The following IQGAP1 variants were observed in gnomAD, a reference collection of about 807,000 sequenced individuals.
The protein encoded by IQGAP1 is ras GTPase-activating-like protein IQGAP1.
IQGAP1 carries 66 observed loss-of-function variants against 215.6 expected under a neutral mutation model. That is an observed-to-expected ratio of 0.31 (90% confidence interval 0.25 to 0.38). The LOEUF is 0.38. Among genes scored for constraint, IQGAP1 ranks in the 10% least tolerant of loss-of-function variants. IQGAP1 has a pLI of 1.00. For synonymous variants in IQGAP1, 772 were observed against 728.7 expected, an observed-to-expected ratio of 1.06 and a Z score of -0.96; for missense variants, 1,712 against 1,997.1, an observed-to-expected ratio of 0.86 and a Z score of 2.72.
chr15:90,454,524 G>A lies in IQGAP1; in HGVS notation c.1584G>A (p.Val528=). 1 of 1,597,526 alleles carries A rather than the reference G, an allele frequency of 6.3e-7. No individual in the cohort carries two copies. Among genetic ancestry groups the A allele is most frequent in the Non-Finnish European group, 8.5e-7 (1 of 1,172,706 alleles). The part of the protein sequence containing the change: ...WNDIQACVDH[V]NLVVQEEHER... The stretch of plus-strand genomic sequence containing the variant: ...ATATCCAAGCTTGCGTGGACCATGT[G>A]AACCTGGTGGTGCAAGAGGAACATG... The change falls in exon 14 of 38, where the codon GTG becomes GTA. Residue 528 remains valine (V), a synonymous_variant. Transcript: ENST00000268182.
intron 14 of IQGAP1, among the ~76,000 whole-genome samples, 172 bp from the exon 15 acceptor site, chr15:90,455,980 A>G (rs1458378820): frequency 6.6e-6 from 1 of 152,232 alleles, no homozygotes; most frequent in Non-Finnish European, 1.5e-5. Flanking sequence ...AGTTTAGTTG[A>G]AATAAATACT....
chr15:90,459,701 T>TTTTTG (rs995508105), intron 15 of IQGAP1, among the ~76,000 whole-genome samples: 13 of 152,248 alleles, frequency 8.5e-5, no homozygotes, highest in South Asian at 6.2e-4. Context: ...TGGTTTGGGT[T>TTTTTG]TTTTGTTTTG....
intron 10 of IQGAP1, among the ~76,000 whole-genome samples, 194 bp downstream of exon 10, chr15:90,448,930 T>C (rs1370665826): frequency 6.6e-6 from 1 of 152,224 alleles, no homozygotes; most frequent in Non-Finnish European, 1.5e-5. Flanking sequence ...TTTAGAGCTA[T>C]GAATCCTCTT....
intron 5 of IQGAP1, 94 bp from the exon 6 acceptor site, chr15:90,439,238 C>T: frequency 9.7e-6 from 8 of 823,568 alleles, no homozygotes; most frequent in Non-Finnish European, 1.6e-5. Flanking sequence ...GTTCAGAATA[C>T]TTCTATTTTA....
chr15:90,454,878 C>T (rs550837409), intron 14 of IQGAP1, among the ~76,000 whole-genome samples: 23 of 152,330 alleles, frequency 1.5e-4, no homozygotes, highest in African/African-American at 5.3e-4. Context: ...CCACAAGACT[C>T]CTCTCACTTC....
intron 5 of IQGAP1, among the ~76,000 whole-genome samples, chr15:90,436,764 G>A (rs1965376220): frequency 6.6e-6 from 1 of 152,228 alleles, no homozygotes; most frequent in Admixed American, 6.5e-5. Flanking sequence ...TTTTGATTGT[G>A]GGTAAGAGGA....
At chr15:90,496,651 A>C (rs1316860205) in intron 36 of IQGAP1, 1 of 152,104 alleles carries the variant, frequency 6.6e-6, no homozygotes, top group African/African-American at 2.4e-5. Flanking sequence ...GGCCCCCCAA[A>C]ATTTCCTGGC....
intron 2 of IQGAP1, among the ~76,000 whole-genome samples, chr15:90,413,847 A>G (rs974856830): frequency 4.6e-5 from 7 of 152,188 alleles, no homozygotes; most frequent in African/African-American, 1.4e-4. Context: ...ATGGAAGCTC[A>G]GAGAAGTTAG....
chr15:90,402,986 T>C (rs567669344), intron 2 of IQGAP1, among the ~76,000 whole-genome samples: 3 of 152,212 alleles, frequency 2.0e-5, no homozygotes, highest in African/African-American at 7.2e-5. Flanking sequence ...AAATGTTTTT[T>C]TGGGCTGGGC....
At chr15:90,418,380 A>C (rs1158599505) in intron 2 of IQGAP1, among the ~76,000 whole-genome samples, 1 of 152,130 alleles carries the variant, frequency 6.6e-6, no homozygotes, top group Non-Finnish European at 1.5e-5. Flanking sequence ...TGAGCCCAGG[A>C]GTTGGAGACC....
At chr15:90,498,803 A>G in intron 37 of IQGAP1, among the ~76,000 whole-genome samples, 1 of 124,086 alleles carries the variant, frequency 8.1e-6, no homozygotes, top group East Asian at 2.1e-4. Flanking sequence ...GCACACCATC[A>G]CGCCCGGCTA....
chr15:90,444,311 C>T lies in IQGAP1; in HGVS notation c.913+833C>T, dbSNP rs530124830. Among the ~76,000 whole-genome samples the T allele has an allele frequency of 2.2e-5, 3 of 137,372 alleles. No individual in the cohort carries two copies. In the East Asian group the frequency reaches 6.9e-4, roughly 31 times the overall value. The allele number at this position is 137,372 out of a possible 152,430, so 90.1% of individuals were successfully genotyped here. On this transcript the variant is annotated intron_variant, in intron 9 of 37. Transcript: ENST00000268182. ...TATATTTTTTTTTTTCTTTAAGAGA[C>T]AGAGTTACACTTTGTTGTTTAGGCT...
intron 26 of IQGAP1, among the ~76,000 whole-genome samples, chr15:90,478,755 T>C (rs1966014105): frequency 1.3e-5 from 2 of 152,182 alleles, no homozygotes; most frequent in African/African-American, 4.8e-5. Context: ...TAACTAGGGA[T>C]ACAGTTGAAT....
chr15:90,496,572 C>A (rs138095090), intron 36 of IQGAP1: 1 of 152,174 alleles, frequency 6.6e-6, no homozygotes, highest in South Asian at 2.1e-4. Flanking sequence ...CCGCCCGCCT[C>A]GGTCTCCCAA....
intron 10 of IQGAP1, 50 bp downstream of exon 10, chr15:90,448,786 A>T: frequency 7.4e-7 from 1 of 1,359,752 alleles, no homozygotes; most frequent in Non-Finnish European, 9.6e-7. Context: ...TATCCATTCG[A>T]ATCCCATGCT....
At chr15:90,493,198 G>T (rs1483139724) in intron 35 of IQGAP1, among the ~76,000 whole-genome samples, 1 of 150,830 alleles carries the variant, frequency 6.6e-6, no homozygotes, top group Admixed American at 6.6e-5. Context: ...AGCCACGATT[G>T]CATCACTACA....
chr15:90,486,586 G>T, intron 31 of IQGAP1: 1 of 189,866 alleles, frequency 5.3e-6, no homozygotes. Flanking sequence ...TAGAGATGGA[G>T]TCTCACTATG....
intron 25 of IQGAP1, 22 bp from the exon 26 acceptor site, chr15:90,477,643 A>G (rs1965998804): frequency 6.5e-7 from 1 of 1,549,172 alleles, no homozygotes; most frequent in South Asian, 1.1e-5. Context: ...ACAAGTTTAA[A>G]TTTTTATCTG....
At chr15:90,465,962 A>T in intron 15 of IQGAP1, 39 bp from the exon 16 acceptor site, 1 of 1,515,770 alleles carries the variant, frequency 6.6e-7, no homozygotes, top group South Asian at 1.1e-5. Flanking sequence ...ATGTACCCTG[A>T]TTTCATGACT....
Sources: gnomAD v4.1 joint callset for allele counts (sites outside exome capture counted in the v4.1 genomes callset) on GRCh38, gnomAD v4.1.1 for gene constraint, MANE v1.5 for transcripts, NCBI Gene and HGNC (gene_info 2026-07-23, HGNC 2026-07-21) for gene names.